TRDN: variants seen among roughly 807,000 people sequenced by gnomAD.
The protein encoded by TRDN is triadin in skeletal muscle.
Under a neutral mutation model 149.7 loss-of-function variants are expected in TRDN, and 161 were observed. That is an observed-to-expected ratio of 1.08 (90% confidence interval 0.95 to 1.23). The LOEUF (loss-of-function observed/expected upper bound fraction) is 1.23. Among genes scored for constraint, TRDN ranks in the 50% most tolerant of loss-of-function variants. The pLI is 0.00. For synonymous variants in TRDN, 294 were observed against 250.5 expected (o/e 1.17, Z -1.64); for missense variants, 896 against 823.5 (o/e 1.09, Z -1.08).
chr6:123,549,664 T>C (rs1037881643), intron 2 of TRDN, among the ~76,000 whole-genome samples: 1 of 151,998 alleles, frequency 6.6e-6, no homozygotes, highest in African/African-American at 2.4e-5. Context: ...TTTGACTTCC[T>C]TTACTGTGTT....
chr6:123,289,016 G>GGTGT (rs1156862536), intron 24 of TRDN, among the ~76,000 whole-genome samples: 6 of 103,984 alleles, frequency 5.8e-5, no homozygotes, highest in African/African-American at 1.4e-4. Context: ...AAATGTGGGG[G>GGTGT]GTGTGTGTGT....
rs749943894 is a variant in TRDN, at chr6:123,352,510, T to C, written c.1369+29A>G. On this transcript the variant is annotated intron_variant, in intron 21 of 40. Coordinates refer to ENST00000334268, the MANE Select transcript of TRDN (RefSeq NM_006073.4). ...CATGTTGTTGTCTTTCTAAAGAAGA[T>C]AATGTCAACCTCCTTCATTTTTTTT... The C allele has an allele frequency of 6.9e-5, 111 of 1,608,186 alleles. 1 individual carries two copies. The East Asian group carries it at 1.2e-3, about 17-fold the overall frequency.
At chr6:123,618,908 TCAAA>T (rs1000785587) in intron 1 of TRDN, among the ~76,000 whole-genome samples, 2 of 152,218 alleles carry the variant, frequency 1.3e-5, no homozygotes, top group South Asian at 2.1e-4. Context: ...CTCCAGTAAC[TCAAA>T]CATTTTATTA....
rs56022131 is a variant in TRDN at position 123,421,805 on chromosome 6, C to CAAAAAAAAAA, written c.1051+16248_1051+16257dup. On this transcript the variant is annotated intron_variant, in intron 12 of 40. Transcript: ENST00000334268. The stretch of plus-strand genomic sequence containing the variant: ...TCAACAGAGTGAGACCCTTTCTCTA[C>CAAAAAAAAAA]AAAAAAAAAAAAAAAAAAATTGGCC... Among the ~76,000 whole-genome samples the CAAAAAAAAAA allele has an allele frequency of 1.0e-3, 97 of 92,572 alleles. 2 individuals carry two copies. In the South Asian group the frequency reaches 0.019, roughly 18 times the overall value. 60.7% of individuals were successfully genotyped at this position (92,572 alleles called of 152,430 possible). A position where few individuals can be genotyped will look rare whatever the true frequency, so the allele number is the denominator to read the frequency against.
At chr6:123,374,184 A>G (rs1781423992) in intron 19 of TRDN, among the ~76,000 whole-genome samples, 1 of 152,174 alleles carries the variant, frequency 6.6e-6, no homozygotes, top group East Asian at 1.9e-4. Flanking sequence ...TAATTTGCTA[A>G]TTTCCTGCAA....
chr6:123,503,124 C>G (rs556585936), intron 8 of TRDN: 105 of 985,140 alleles, frequency 1.1e-4, no homozygotes, highest in Non-Finnish European at 1.3e-4. Flanking sequence ...ATGTCACATT[C>G]AGAGCTTTCT....
In TRDN at chr6:123,223,298, T is replaced by A. The variant is rs146282101; in HGVS notation, c.2014+795A>T. Among the ~76,000 whole-genome samples, 554 of 151,098 alleles carry A rather than the reference T, an allele frequency of 3.7e-3. 4 individuals are homozygous for A. Among genetic ancestry groups the A allele is most frequent in the African/African-American group, 0.012 (504 of 41,212 alleles). On this transcript the variant is annotated intron_variant, in intron 39 of 40. Transcript: ENST00000334268. ...CTGAGGCCTACCCAACGGTTGAGAGTGGAAGGAGAAAGAGGATCAGAAAAA... is the reference window on the plus strand; with the variant it reads ...CTGAGGCCTACCCAACGGTTGAGAGAGGAAGGAGAAAGAGGATCAGAAAAA...
intron 22 of TRDN, 36 bp downstream of exon 22, chr6:123,337,583 T>G: frequency 9.3e-7 from 1 of 1,076,018 alleles, no homozygotes; most frequent in Non-Finnish European, 1.3e-6. Flanking sequence ...TATTTCCTAA[T>G]AAATTTGTAA....
At chr6:123,371,490 T>A (rs1781325709) in intron 19 of TRDN, among the ~76,000 whole-genome samples, 1 of 152,190 alleles carries the variant, frequency 6.6e-6, no homozygotes, top group South Asian at 2.1e-4. Context: ...TTAGGACACA[T>A]AGTCCTGATC....
intron 12 of TRDN, among the ~76,000 whole-genome samples, chr6:123,400,056 T>G (rs928806402): frequency 3.3e-5 from 5 of 151,364 alleles, no homozygotes; most frequent in African/African-American, 1.2e-4. Flanking sequence ...GTGATTAATT[T>G]ATTGGGCTAG....
chr6:123,363,466 A>G (rs1403022887), intron 20 of TRDN, among the ~76,000 whole-genome samples: 1 of 152,214 alleles, frequency 6.6e-6, no homozygotes, highest in East Asian at 1.9e-4. Context: ...TGAAAAGGAC[A>G]CTTATTTCTG....
Position 123,435,542 on chromosome 6 carries a change from A to AAC in TRDN, c.1051+2519_1051+2520dup, listed in dbSNP as rs57976353. 4.7e-3 allele frequency among the ~76,000 whole-genome samples: 699 copies of AAC among 150,072 alleles called. 4 individuals are homozygous for AAC. Among genetic ancestry groups the AAC allele is most frequent in the African/African-American group, 0.015 (624 of 41,002 alleles). On this transcript the variant is annotated intron_variant, in intron 12 of 40. Coordinates refer to ENST00000334268, the MANE Select transcript of TRDN (RefSeq NM_006073.4). ...TCTGACACAGACACACACAAACACA[A>AAC]ACACACACACACACACATGCACACA...
At chr6:123,247,286 A>G (rs1365989608) in intron 38 of TRDN, among the ~76,000 whole-genome samples, 1 of 151,322 alleles carries the variant, frequency 6.6e-6, no homozygotes, top group Non-Finnish European at 1.5e-5. Context: ...GCATATTTTA[A>G]TAGGAAGAGA....
intron 19 of TRDN, among the ~76,000 whole-genome samples, chr6:123,374,882 C>T (rs945344227): frequency 2.0e-4 from 30 of 152,122 alleles, no homozygotes; most frequent in African/African-American, 6.3e-4. Flanking sequence ...TTACCTCTAA[C>T]CTCTCAAAAA....
chr6:123,442,406 C>T (rs960792751), intron 10 of TRDN: 3 of 140,076 alleles, frequency 2.1e-5, no homozygotes, highest in Non-Finnish European at 4.5e-5. Flanking sequence ...ATTAGCCGGG[C>T]GTGATGGTGG....
At chr6:123,601,072 C>T (rs937209187) in intron 1 of TRDN, among the ~76,000 whole-genome samples, 15 of 151,980 alleles carry the variant, frequency 9.9e-5, no homozygotes, top group African/African-American at 3.6e-4. Context: ...AAAAAGTAGA[C>T]AATTTATCTG....
At chr6:123,440,393 A>G (rs1156567585) in intron 10 of TRDN, among the ~76,000 whole-genome samples, 2 of 152,244 alleles carry the variant, frequency 1.3e-5, no homozygotes, top group African/African-American at 2.4e-5. Context: ...AGGTTTATGC[A>G]TATTAAACAT....
intron 4 of TRDN, among the ~76,000 whole-genome samples, chr6:123,534,517 C>G (rs1048862186): frequency 1.3e-5 from 2 of 152,122 alleles, no homozygotes; most frequent in South Asian, 4.1e-4. Context: ...GCTATTCAAG[C>G]TCCTGTCCAA....
At chr6:123,486,255 T>C (rs549212940) in intron 9 of TRDN, among the ~76,000 whole-genome samples, 13 of 145,152 alleles carry the variant, frequency 9.0e-5, no homozygotes, top group Admixed American at 6.2e-4. Context: ...TGTAACTTCT[T>C]TTTTTTTTTT....
Sources: allele counts gnomAD v4.1 joint callset (sites outside exome capture counted in the v4.1 genomes callset), GRCh38; gene constraint gnomAD v4.1.1; transcripts MANE v1.5; gene names NCBI Gene and HGNC (gene_info 2026-07-23, HGNC 2026-07-21).